The following MDN1 variants were observed in gnomAD, a reference collection of about 807,000 sequenced individuals.
The protein encoded by MDN1 is midasin.
A neutral mutation model predicts 669.2 loss-of-function variants in MDN1; 266 were observed. That is an observed-to-expected ratio of 0.40 (90% CI 0.36 to 0.44). The LOEUF (loss-of-function observed/expected upper bound fraction) is 0.44. MDN1 is among the 20% of genes least tolerant of loss of function. The pLI is 1.00. For missense variants in MDN1, 5,940 were observed against 6,754.0 expected, an observed-to-expected ratio of 0.88 and a Z score of 4.22; for synonymous variants, 2,385 against 2,457.1, an observed-to-expected ratio of 0.97 and a Z score of 0.87.
intron 15 of MDN1, among the ~76,000 whole-genome samples, 167 bp from the exon 16 acceptor site, chr6:89,762,697 C>T (rs1163476076): frequency 6.6e-6 from 1 of 152,036 alleles, no homozygotes; most frequent in East Asian, 1.9e-4. Flanking sequence ...TAATATTTTC[C>T]CCCATCGCAA....
rs748434267 is a variant in MDN1 at position 89,700,256 on chromosome 6, G to A, written c.8677C>T (p.Leu2893=). The A allele has an allele frequency of 6.8e-6, 11 of 1,614,056 alleles. No homozygotes were observed. The highest frequency in any genetic ancestry group is 8.5e-6 in the Non-Finnish European group (10 of 1,180,018). ...CCAAGTGAGAGTCCTTTGGCTTTCA[G>A]TTCTAAACACTGAGCATGCACAAAA... ...KNFVHAQCLE[L]KAKGLSLGFL... Residue 2893 remains leucine (L), a synonymous_variant, in exon 57 of 102, where the codon CTG becomes TTG. Coordinates refer to ENST00000369393, the MANE Select transcript of MDN1 (RefSeq NM_014611.3).
intron 72 of MDN1, 21 bp downstream of exon 72, chr6:89,683,810 C>T (rs1202364482): frequency 6.3e-7 from 1 of 1,598,572 alleles, no homozygotes; most frequent in Non-Finnish European, 8.6e-7. Flanking sequence ...TGGTTGTCTC[C>T]AGTTTTAAAA....
chr6:89,704,822 C>T (rs1270720430), intron 53 of MDN1, among the ~76,000 whole-genome samples: 2 of 152,174 alleles, frequency 1.3e-5, no homozygotes, highest in East Asian at 1.9e-4. Flanking sequence ...CCTCGTGATC[C>T]GCCCACCTCA....
At chr6:89,671,386 G>A (rs1810746783) in intron 82 of MDN1, among the ~76,000 whole-genome samples, 1 of 152,194 alleles carries the variant, frequency 6.6e-6, no homozygotes, top group Non-Finnish European at 1.5e-5. Context: ...TTTAATCCCA[G>A]CACTTTGGGA....
At chr6:89,721,367 A>C (rs1397530368) in intron 40 of MDN1, among the ~76,000 whole-genome samples, 1 of 152,172 alleles carries the variant, frequency 6.6e-6, no homozygotes, top group Non-Finnish European at 1.5e-5. Flanking sequence ...GTGGAGTCCA[A>C]CTTGTCTGGA....
chr6:89,772,461 GGT>G (rs1347664834), intron 14 of MDN1, 110 bp downstream of exon 14: 2 of 1,135,380 alleles, frequency 1.8e-6, no homozygotes, highest in Middle Eastern at 2.2e-4. Context: ...TTACATGTGG[GGT>G]GCTGGCACTC....
chr6:89,798,410 G>T (rs1480513041), intron 2 of MDN1, among the ~76,000 whole-genome samples: 4 of 152,014 alleles, frequency 2.6e-5, no homozygotes, highest in Admixed American at 1.3e-4. Context: ...GCTGAGGCAG[G>T]AGAATCACTT....
Position 89,688,080 on chromosome 6 carries a change from G to T in MDN1, c.11353C>A (p.Gln3785Lys), listed in dbSNP as rs1250697378. The T allele has an allele frequency of 6.2e-7, 1 of 1,612,846 alleles. No homozygotes were observed. The highest frequency in any genetic ancestry group is 1.1e-5 in the South Asian group (1 of 91,052). ...GAGGAAGAGAGGTATTAGCTCACCT[G>T]TGCCTTTGCCAGAAGGATCTCTAAG... is the stretch of plus-strand genomic sequence containing the variant. ...NGLEILLAKA[Q>K]DWEENASRAL... The change falls in exon 67 of 102, where the codon CAG becomes AAG. Residue 3785 changes from glutamine (Q) to lysine (K), a missense_variant and splice_region_variant. Gln to Lys is a moderately conservative substitution (Grantham distance 53). Coordinates refer to ENST00000369393, the MANE Select transcript of MDN1 (RefSeq NM_014611.3).
intron 34 of MDN1, among the ~76,000 whole-genome samples, chr6:89,731,624 G>A (rs1815598529): frequency 6.6e-6 from 1 of 152,102 alleles, no homozygotes; most frequent in Admixed American, 6.6e-5. Flanking sequence ...TGGGGGGCAA[G>A]GGGAGGGAGA....
intron 1 of MDN1, among the ~76,000 whole-genome samples, chr6:89,811,219 TG>T (rs954081928): frequency 2.2e-4 from 33 of 152,234 alleles, no homozygotes; most frequent in African/African-American, 7.9e-4. Flanking sequence ...CTAAAACCCA[TG>T]AAAGGGTAAA....
intron 59 of MDN1, among the ~76,000 whole-genome samples, chr6:89,696,791 G>C (rs1326950542): frequency 6.6e-6 from 1 of 152,128 alleles, no homozygotes; most frequent in African/African-American, 2.4e-5. Context: ...CTTTAGTAAT[G>C]CATGAGGAAA....
chr6:89,696,761 T>C (rs1812778628), intron 59 of MDN1, among the ~76,000 whole-genome samples, 187 bp from the exon 60 acceptor site: 1 of 152,078 alleles, frequency 6.6e-6, no homozygotes, highest in Admixed American at 6.5e-5. Context: ...CTCCATGCTC[T>C]AGGAAATGAG....
intron 97 of MDN1, among the ~76,000 whole-genome samples, chr6:89,648,563 A>G (rs1808634051): frequency 6.6e-6 from 1 of 152,140 alleles, no homozygotes; most frequent in African/African-American, 2.4e-5. Flanking sequence ...TGCTGTAGAC[A>G]TCGAATAAAA....
chr6:89,743,552 AG>A, intron 30 of MDN1, 23 bp downstream of exon 30: 1 of 1,605,944 alleles, frequency 6.2e-7, no homozygotes, highest in Non-Finnish European at 8.5e-7. Flanking sequence ...TTAAAATAAC[AG>A]GAACACTTGC....
chr6:89,674,413 C>A lies in MDN1; in HGVS notation c.12938G>T (p.Ser4313Ile), dbSNP rs1020390960. The stretch of plus-strand genomic sequence containing the variant: ...GCCATGGCCTGGAGCTGGCCCTACA[C>A]TGGGGCAGCACTGGAGGAGCCAGGA... ...QLSWLLQCCPSVGPAPGHGNV... is the reference protein window; with the variant it reads ...QLSWLLQCCPIVGPAPGHGNV... The change falls in exon 79 of 102, where the codon AGT (serine) becomes ATT (isoleucine). Residue 4313 changes from serine to isoleucine, a missense_variant. By Grantham distance (142) the Ser-to-Ile change is moderately radical (BLOSUM62 -2). This residue lies in a region of MDN1 where 2,280 missense variants were observed against 2,576.3 expected (regional missense o/e 0.88). Transcript: ENST00000369393. 21 of 1,614,064 alleles carry A rather than the reference C, an allele frequency of 1.3e-5. No homozygotes were observed. Among genetic ancestry groups the A allele is most frequent in the South Asian group, 2.2e-5 (2 of 91,088 alleles).
intron 35 of MDN1, among the ~76,000 whole-genome samples, chr6:89,729,863 T>C (rs549897196): frequency 1.3e-5 from 2 of 152,084 alleles, no homozygotes; most frequent in Admixed American, 6.6e-5. Context: ...GGTTAGATTA[T>C]ACAGCCCATC....
chr6:89,700,382 C>G, intron 56 of MDN1, 88 bp from the exon 57 acceptor site: 3 of 1,070,452 alleles, frequency 2.8e-6, no homozygotes, highest in Non-Finnish European at 4.2e-6. Flanking sequence ...TGACTGCAAG[C>G]TTAACTTGAG....
chr6:89,815,001 G>T lies in MDN1; in HGVS notation c.102+4505C>A, dbSNP rs189619038. The T allele has an allele frequency of 2.2e-3, 1,328 of 599,122 alleles. 7 individuals carry two copies. Among genetic ancestry groups the T allele is most frequent in the Non-Finnish European group, 1.8e-3 (642 of 360,380 alleles). The allele number at this position is 599,122 out of a possible 1,614,324, so 37.1% of individuals were successfully genotyped here. A position where few individuals can be genotyped will look rare whatever the true frequency, so the allele number is the denominator to read the frequency against. On this transcript the variant is annotated intron_variant, in intron 1 of 101. Coordinates refer to ENST00000369393, the MANE Select transcript of MDN1 (RefSeq NM_014611.3). Reference sequence around the variant, plus strand: ...AGGAGTCCTGCCAAAGTAGCACCAAGTGTCTGGTGGAGACCCAGGTGAAGG... The same window carrying T: ...AGGAGTCCTGCCAAAGTAGCACCAATTGTCTGGTGGAGACCCAGGTGAAGG...
chr6:89,658,651 C>T lies in MDN1; in HGVS notation c.14980G>A (p.Gly4994Ser). ...EEKDKEADEE[G>S]GENGPADQGF... The stretch of plus-strand genomic sequence containing the variant: ...TGGTCAGCAGGGCCATTCTCTCCAC[C>T]TTCTTCATCGGCTTCCTTGTCTTTT... Residue 4994 changes from glycine to serine, a missense_variant, in exon 89 of 102, where the codon GGT becomes AGT. This residue lies in a region of MDN1 where 2,280 missense variants were observed against 2,576.3 expected (regional missense o/e 0.88). Transcript: ENST00000369393. 2 of 1,613,060 alleles carry T rather than the reference C, an allele frequency of 1.2e-6. No homozygotes were observed. Among genetic ancestry groups the T allele is most frequent in the East Asian group, 2.2e-5 (1 of 44,846 alleles).
Sources: gnomAD v4.1 joint callset for allele counts (sites outside exome capture counted in the v4.1 genomes callset) on GRCh38, gnomAD v4.1.1 for gene constraint, gnomAD v4.1.1 regional missense constraint, MANE v1.5 for transcripts, NCBI Gene and HGNC (gene_info 2026-07-23, HGNC 2026-07-21) for gene names.